SYNE3: variants seen among roughly 807,000 people sequenced by gnomAD.
The protein encoded by SYNE3 is spectrin repeat containing nuclear envelope family member 3.
A neutral mutation model predicts 111.2 loss-of-function variants in SYNE3; 100 were observed. That is an observed-to-expected ratio of 0.90 (90% CI 0.77 to 1.06). The LOEUF (loss-of-function observed/expected upper bound fraction) is 1.06, where lower values mean the gene tolerates loss of function less well. Ranked by LOEUF, SYNE3 falls within the 50% of genes least tolerant of loss-of-function variation. SYNE3 has a pLI of 0.00. For missense variants in SYNE3, 1,160 were observed against 1,240.3 expected (o/e 0.94, Z 0.97); for synonymous variants, 547 against 533.9 (o/e 1.02, Z -0.34).
intron 1 of SYNE3, among the ~76,000 whole-genome samples, chr14:95,480,320 A>T (rs1889156045): frequency 6.6e-6 from 1 of 152,082 alleles, no homozygotes; most frequent in Non-Finnish European, 1.5e-5. Context: ...TATGGAGGAG[A>T]CAGAAAGGAA....
At chr14:95,457,114 A>G in intron 5 of SYNE3, 63 bp downstream of exon 5, 1 of 1,521,844 alleles carries the variant, frequency 6.6e-7, no homozygotes. Flanking sequence ...GAACTATGAC[A>G]TAGAACCCAC....
At chr14:95,429,417 AG>A (rs1885619783) in intron 17 of SYNE3, among the ~76,000 whole-genome samples, 2 of 152,216 alleles carry the variant, frequency 1.3e-5, no homozygotes, top group Non-Finnish European at 2.9e-5. Context: ...TGTGGTCCCC[AG>A]GCCCCCAGCA....
At chr14:95,478,934 G>T (rs996981084) in intron 1 of SYNE3, among the ~76,000 whole-genome samples, 4 of 152,024 alleles carry the variant, frequency 2.6e-5, no homozygotes, top group African/African-American at 7.3e-5. Flanking sequence ...GACCCCACCG[G>T]CACATGTCTG....
chr14:95,455,565 C>T lies in SYNE3; in HGVS notation c.949G>A (p.Glu317Lys). ...KVLEKLRALW[E>K]EEEERLRGLL... ...CCCCGCAGCCGCTCCTCCTCCTCCTCCCAGAGGGCGCGCAGCTTCTCCAGA... is the reference window on the plus strand; with the variant it reads ...CCCCGCAGCCGCTCCTCCTCCTCCTTCCAGAGGGCGCGCAGCTTCTCCAGA... Residue 317 changes from glutamate (E) to lysine (K), a missense_variant, in exon 6 of 18, where the codon GAG (glutamate) becomes AAG (lysine). By Grantham distance (56) the Glu-to-Lys change is moderately conservative (BLOSUM62 1). Coordinates refer to ENST00000682763, the MANE Select transcript of SYNE3 (RefSeq NM_152592.6). 6.2e-7 allele frequency: 1 copy of T among 1,614,122 alleles called. No homozygotes were observed. The highest frequency in any genetic ancestry group is 1.1e-5 in the South Asian group (1 of 91,088).
chr14:95,431,894 G>A (rs1016197144), intron 17 of SYNE3, among the ~76,000 whole-genome samples, 185 bp downstream of exon 17: 2 of 152,194 alleles, frequency 1.3e-5, no homozygotes, highest in African/African-American at 2.4e-5. Flanking sequence ...CAAGCCTGGG[G>A]CTTCTTGAAA....
chr14:95,496,060 G>A (rs1479478323), intron 1 of SYNE3, among the ~76,000 whole-genome samples: 2 of 152,236 alleles, frequency 1.3e-5, no homozygotes, highest in Admixed American at 6.5e-5. Flanking sequence ...GAAGATGAAG[G>A]CCATGCCCTA....
At position 95,410,816 on chromosome 14, in the gene SYNE3, C is replaced by T. The variant is rs1439665634; in HGVS notation, c.*7010G>A. 6.6e-6 allele frequency: 1 copy of T among 152,166 alleles called. No homozygotes were observed. The highest frequency in any genetic ancestry group is 1.5e-5 in the Non-Finnish European group (1 of 68,022). 9.4% of individuals were successfully genotyped at this position (152,166 alleles called of 1,614,324 possible). A position where few individuals can be genotyped will look rare whatever the true frequency, so the allele number is the denominator to read the frequency against. On this transcript the variant is annotated 3_prime_UTR_variant, in exon 18 of 18. Transcript: ENST00000682763. Reference sequence around the variant, plus strand: ...CAGATGCGAGCCCACGCGCACAATCCTAGGATACCTAATATTTCAGGGAGC... The same window carrying T: ...CAGATGCGAGCCCACGCGCACAATCTTAGGATACCTAATATTTCAGGGAGC...
intron 6 of SYNE3, 81 bp downstream of exon 6, chr14:95,455,296 C>T (rs903198790): frequency 2.6e-6 from 3 of 1,161,198 alleles, no homozygotes; most frequent in Middle Eastern, 2.8e-4. Context: ...GCCCGATTCT[C>T]CATCACAGAG....
chr14:95,502,994 A>G (rs916417842), intron 1 of SYNE3, among the ~76,000 whole-genome samples: 3 of 152,198 alleles, frequency 2.0e-5, no homozygotes, highest in African/African-American at 7.2e-5. Flanking sequence ...CCCCCAAACA[A>G]TGCTGGTCTC....
Position 95,485,660 on chromosome 14 carries a change from C to G in SYNE3, c.-14-9825G>C, listed in dbSNP as rs1889508211. On this transcript the variant is annotated intron_variant, in intron 1 of 17. Coordinates refer to ENST00000682763, the MANE Select transcript of SYNE3 (RefSeq NM_152592.6). The surrounding 1 kb of genome is among the most constrained non-coding windows in gnomAD (Gnocchi z 4.3). ...CTCCTCTCCCTCTCCCCTTACACCACTCCCTCTAGGATACCCAGCATCCCC... is the reference window on the plus strand; with the variant it reads ...CTCCTCTCCCTCTCCCCTTACACCAGTCCCTCTAGGATACCCAGCATCCCC... Among the ~76,000 whole-genome samples the G allele has an allele frequency of 1.3e-5, 2 of 152,086 alleles. No individual in the cohort carries two copies.
Position 95,500,920 on chromosome 14 carries a change from G to A in SYNE3, c.-15+15676C>T, listed in dbSNP as rs1197325865. 3.3e-5 allele frequency among the ~76,000 whole-genome samples: 5 copies of A among 152,192 alleles called. No homozygotes were observed. The East Asian group carries it at 7.7e-4, about 23-fold the overall frequency. On this transcript the variant is annotated intron_variant, in intron 1 of 17. Coordinates refer to ENST00000682763, the MANE Select transcript of SYNE3 (RefSeq NM_152592.6). This position sits in a 1 kb window ranked among gnomAD's most constrained non-coding sequence, Gnocchi z 4.7. The stretch of plus-strand genomic sequence containing the variant: ...GACACACGCTTGCTTCCCACACCAG[G>A]CACAAAATCCCGTCTGACTTTCTAA...
chr14:95,430,008 G>GA (rs1566957789), intron 17 of SYNE3: 9 of 281,796 alleles, frequency 3.2e-5, no homozygotes, highest in Non-Finnish European at 3.6e-5. Flanking sequence ...GGAAAGAAGG[G>GA]AGGGAGGGAG....
chr14:95,467,717 G>A (rs932612049), intron 3 of SYNE3, 78 bp downstream of exon 3: 215 of 1,550,614 alleles, frequency 1.4e-4, no homozygotes, highest in Non-Finnish European at 1.7e-4. Context: ...ATGTCTCTTG[G>A]GCAGAGGGCC....
intron 16 of SYNE3, among the ~76,000 whole-genome samples, chr14:95,432,566 C>A (rs892283108): frequency 6.6e-6 from 1 of 152,108 alleles, no homozygotes; most frequent in African/African-American, 2.4e-5. Flanking sequence ...CATATAACAG[C>A]ACCTCCTTTA....
chr14:95,484,153 C>G (rs1193271030), intron 1 of SYNE3, among the ~76,000 whole-genome samples: 1 of 152,182 alleles, frequency 6.6e-6, no homozygotes, highest in Non-Finnish European at 1.5e-5. Context: ...TGGCAACACA[C>G]AAATACAGGT....
chr14:95,455,233 G>A (rs1232606105), intron 6 of SYNE3, 144 bp downstream of exon 6: 5 of 621,964 alleles, frequency 8.0e-6, no homozygotes, highest in Non-Finnish European at 1.3e-5. Context: ...CCCGCTCAGG[G>A]AGCTGAGATA....
At position 95,508,759 on chromosome 14, in the gene SYNE3, G is replaced by A. The variant is rs553018812; in HGVS notation, c.-15+7837C>T. 2.3e-3 allele frequency among the ~76,000 whole-genome samples: 355 copies of A among 152,324 alleles called. 5 individuals are homozygous for A. Among genetic ancestry groups the A allele is most frequent in the South Asian group, 0.015 (71 of 4,826 alleles). ...CGCCAAGAGATATTTGCAAGGTTCCGGGGCCAACCCCCAGAGAACCCAGGA... is the reference window on the plus strand; with the variant it reads ...CGCCAAGAGATATTTGCAAGGTTCCAGGGCCAACCCCCAGAGAACCCAGGA... On this transcript the variant is annotated intron_variant, in intron 1 of 17. Coordinates refer to ENST00000682763, the MANE Select transcript of SYNE3 (RefSeq NM_152592.6).
chr14:95,443,413 C>T lies in SYNE3; in HGVS notation c.1777-124G>A, dbSNP rs531037047. ...GGGTGAATTCCCCAAGGCGGTGGGG[C>T]TCTTTCATACCAGCGGAAGTACCAA... On this transcript the variant is annotated intron_variant, in intron 10 of 17. Transcript: ENST00000682763. 23 of 1,219,590 alleles carry T rather than the reference C, an allele frequency of 1.9e-5. No homozygotes were observed. The East Asian group carries it at 5.9e-4, about 31-fold the overall frequency. 75.5% of individuals were successfully genotyped at this position (1,219,590 alleles called of 1,614,324 possible).
At chr14:95,462,921 A>G (rs1887927912) in intron 4 of SYNE3, among the ~76,000 whole-genome samples, 1 of 152,172 alleles carries the variant, frequency 6.6e-6, no homozygotes, top group South Asian at 2.1e-4. Flanking sequence ...GCACTTCGGG[A>G]GGCCAAGGCG....
Sources: gnomAD v4.1 joint callset for allele counts (sites outside exome capture counted in the v4.1 genomes callset) on GRCh38, gnomAD v4.1.1 for gene constraint, Gnocchi (gnomAD v3.1) non-coding constraint, MANE v1.5 for transcripts, NCBI Gene and HGNC (gene_info 2026-07-23, HGNC 2026-07-21) for gene names.